FAM167A: variants seen among roughly 807,000 people sequenced by gnomAD.
The protein encoded by FAM167A is protein FAM167A.
In FAM167A, 23 loss-of-function variants were observed where a neutral mutation model predicts 14.9. That is an observed-to-expected ratio of 1.55 (90% CI 1.11 to 2.19). The LOEUF (loss-of-function observed/expected upper bound fraction) is 2.19, where lower values mean the gene tolerates loss of function less well. FAM167A is among the 30% of genes most tolerant of loss of function. The pLI is 0.00. For synonymous variants in FAM167A, 174 were observed against 117.7 expected, an observed-to-expected ratio of 1.48 and a Z score of -3.10; for missense variants, 401 against 281.5, an observed-to-expected ratio of 1.42 and a Z score of -3.04.
intron 1 of FAM167A, among the ~76,000 whole-genome samples, chr8:11,463,973 G>C (rs1807646927): frequency 6.6e-6 from 1 of 152,208 alleles, no homozygotes; most frequent in Non-Finnish European, 1.5e-5. Context: ...CCCTGGCATG[G>C]AGAGGAGCCT....
chr8:11,449,372 G>A (rs888259505), intron 1 of FAM167A, among the ~76,000 whole-genome samples: 1 of 152,198 alleles, frequency 6.6e-6, no homozygotes, highest in Admixed American at 6.5e-5. Flanking sequence ...GCCGGGTGCC[G>A]GGGAACAGAT....
intron 2 of FAM167A, among the ~76,000 whole-genome samples, chr8:11,425,003 G>A (rs1805035932): frequency 6.6e-6 from 1 of 152,206 alleles, no homozygotes. Flanking sequence ...GAGGATGGTT[G>A]CCTCTAGGTG....
chr8:11,440,203 G>A (rs1472711948), intron 2 of FAM167A, among the ~76,000 whole-genome samples: 2 of 152,194 alleles, frequency 1.3e-5, no homozygotes, highest in Admixed American at 6.5e-5. Flanking sequence ...TCAGGTGGCC[G>A]CAGCCCTGCC....
At chr8:11,463,515 C>G (rs1334255484) in intron 1 of FAM167A, among the ~76,000 whole-genome samples, 1 of 152,232 alleles carries the variant, frequency 6.6e-6, no homozygotes, top group Admixed American at 6.5e-5. Flanking sequence ...TGAGGAAACA[C>G]TGCCCAGCCT....
In FAM167A at chr8:11,431,789, C is replaced by G. The variant is rs140606862; in HGVS notation, c.382-7153G>C. 3.0e-3 allele frequency among the ~76,000 whole-genome samples: 436 copies of G among 145,714 alleles called. 5 individuals carry two copies. Among genetic ancestry groups the G allele is most frequent in the African/African-American group, 0.011 (411 of 38,984 alleles). ...GATGTTGTCTCTAGCCTGAGTGACACTGGAAGCTGATGAGACCCTGAAGAG... is the reference window on the plus strand; with the variant it reads ...GATGTTGTCTCTAGCCTGAGTGACAGTGGAAGCTGATGAGACCCTGAAGAG... On this transcript the variant is annotated intron_variant, in intron 2 of 2. Transcript: ENST00000284486.
At chr8:11,471,734 G>T (rs1807967511), upstream of FAM167A, among the ~76,000 whole-genome samples, 1 of 152,220 alleles carries the variant, frequency 6.6e-6, no homozygotes, top group South Asian at 2.1e-4. Context: ...GGGGGTCAGG[G>T]GTTGCCCTCT....
chr8:11,455,986 G>A (rs1362003483), intron 1 of FAM167A, among the ~76,000 whole-genome samples: 1 of 132,350 alleles, frequency 7.6e-6, no homozygotes, highest in Non-Finnish European at 1.6e-5. Flanking sequence ...GGGGGTGGTT[G>A]CCTTCTGGGT....
At chr8:11,444,932 C>T (rs757999183) in intron 1 of FAM167A, 124 bp from the exon 2 acceptor site, 2 of 830,398 alleles carry the variant, frequency 2.4e-6, no homozygotes, top group African/African-American at 1.8e-5. Context: ...CTTCTCATGG[C>T]TAGTCCGGGA....
In FAM167A at chr8:11,444,362, G is replaced by A. The variant is rs370977636; in HGVS notation, c.50C>T (p.Ala17Val). 2.1e-5 allele frequency: 33 copies of A among 1,592,150 alleles called. No individual in the cohort carries two copies. The East Asian group carries it at 3.1e-4, about 15-fold the overall frequency. ...HVEEVGAEEG[A>V]GAAAPPDDHL... ...GTCATCGGGTGGTGCGGCTGCTCCCGCCCCCTCTTCTGCACCCACTTCTTC... is the reference window on the plus strand; with the variant it reads ...GTCATCGGGTGGTGCGGCTGCTCCCACCCCCTCTTCTGCACCCACTTCTTC... Residue 17 changes from alanine to valine, a missense_variant, in exon 2 of 3, where the codon GCG (alanine) becomes GTG (valine). Transcript: ENST00000284486.
rs778894458 is a variant in FAM167A at position 11,424,568 on chromosome 8, C to G, written c.450G>C (p.Lys150Asn). ...QLMRLRGDIN[K>N]LKIEHTCRLH... is the part of the protein sequence containing the mutation. ...GGCGGCAGGTGTGTTCGATTTTCAG[C>G]TTGTTGATGTCGCCACGCAGGCGCA... Residue 150 changes from lysine to asparagine, a missense_variant, in exon 3 of 3, where the codon AAG (lysine) becomes AAC (asparagine). By Grantham distance (94) the Lys-to-Asn change is moderately conservative. Coordinates refer to ENST00000284486, the MANE Select transcript of FAM167A (RefSeq NM_053279.3). The G allele has an allele frequency of 1.2e-6, 2 of 1,614,082 alleles. No individual in the cohort carries two copies. The highest frequency in any genetic ancestry group is 1.1e-5 in the South Asian group (1 of 91,084).
At chr8:11,426,796 G>T (rs1354672866) in intron 2 of FAM167A, among the ~76,000 whole-genome samples, 1 of 152,088 alleles carries the variant, frequency 6.6e-6, no homozygotes, top group Non-Finnish European at 1.5e-5. Context: ...GTTTGTTTAG[G>T]GTAGAGGAAA....
At chr8:11,435,482 C>T (rs1022295099) in intron 2 of FAM167A, among the ~76,000 whole-genome samples, 17 of 152,340 alleles carry the variant, frequency 1.1e-4, no homozygotes, top group South Asian at 4.1e-4. Flanking sequence ...TGAATCAATC[C>T]GTTAGTTAAA....
At chr8:11,439,271 G>A (rs923051703) in intron 2 of FAM167A, among the ~76,000 whole-genome samples, 5 of 152,272 alleles carry the variant, frequency 3.3e-5, no homozygotes, top group Non-Finnish European at 5.9e-5. Flanking sequence ...AGGTTCCCTA[G>A]ATGGGGGGTA....
upstream of FAM167A, among the ~76,000 whole-genome samples, chr8:11,469,142 T>C (rs1209094050): frequency 2.0e-5 from 3 of 152,266 alleles, no homozygotes; most frequent in African/African-American, 4.8e-5. Context: ...CACCAAATCC[T>C]GTGTACATTA....
chr8:11,429,931 G>A lies in FAM167A; in HGVS notation c.382-5295C>T, dbSNP rs187142155. On this transcript the variant is annotated intron_variant, in intron 2 of 2. Coordinates refer to ENST00000284486, the MANE Select transcript of FAM167A (RefSeq NM_053279.3). ...TAGCATGGCAGAAAATATGAACTAC[G>A]CTGGCCAAATCAAAGTAAGAGGTGC... Among the ~76,000 whole-genome samples the A allele has an allele frequency of 1.2e-4, 18 of 152,260 alleles. No individual in the cohort carries two copies. The East Asian group carries it at 2.5e-3, about 21-fold the overall frequency.
rs370320838 is a variant in FAM167A at position 11,427,502 on chromosome 8, G to A, written c.382-2866C>T. ...CGGCTGTGCCATTTACCTGGTGCCTGGAGCCAAACTGATTAGAAAAATGAG... is the reference window on the plus strand; with the variant it reads ...CGGCTGTGCCATTTACCTGGTGCCTAGAGCCAAACTGATTAGAAAAATGAG... On this transcript the variant is annotated intron_variant, in intron 2 of 2. Coordinates refer to ENST00000284486, the MANE Select transcript of FAM167A (RefSeq NM_053279.3). 3.3e-5 allele frequency among the ~76,000 whole-genome samples: 5 copies of A among 152,206 alleles called. No homozygotes were observed. The East Asian group carries it at 5.8e-4, about 18-fold the overall frequency.
At chr8:11,453,133 T>C (rs148646212) in intron 1 of FAM167A, among the ~76,000 whole-genome samples, 1 of 152,308 alleles carries the variant, frequency 6.6e-6, no homozygotes, top group East Asian at 1.9e-4. Flanking sequence ...CGGTTATCCT[T>C]CTAAAATGCA....
intron 1 of FAM167A, among the ~76,000 whole-genome samples, chr8:11,463,732 T>G (rs1223876293): frequency 6.6e-6 from 1 of 152,166 alleles, no homozygotes; most frequent in African/African-American, 2.4e-5. Flanking sequence ...CCGGCCACAC[T>G]GAAGAAATGG....
chr8:11,457,622 C>T (rs773325172), intron 1 of FAM167A, among the ~76,000 whole-genome samples: 19 of 152,090 alleles, frequency 1.2e-4, no homozygotes, highest in African/African-American at 2.7e-4. Context: ...CGGCACACAG[C>T]GGGTGCTCAG....
Sources: allele counts gnomAD v4.1 joint callset (sites outside exome capture counted in the v4.1 genomes callset), GRCh38; gene constraint gnomAD v4.1.1; transcripts MANE v1.5; gene names NCBI Gene and HGNC (gene_info 2026-07-23, HGNC 2026-07-21).